The following ANTXR2 variants were observed in gnomAD, a reference collection of about 807,000 sequenced individuals.
ANTXR2 encodes the protein anthrax toxin receptor 2.
Under a neutral mutation model 73.7 loss-of-function variants are expected in ANTXR2, and 44 were observed. The ratio of observed to expected loss-of-function variants is 0.60; its 90% CI spans 0.47 to 0.77. The LOEUF (loss-of-function observed/expected upper bound fraction) is 0.77. Among genes scored for constraint, ANTXR2 ranks in the 30% least tolerant of loss-of-function variants. The pLI, the probability that ANTXR2 is intolerant of heterozygous loss-of-function variation, is 0.00. For synonymous variants in ANTXR2, 217 were observed against 205.9 expected (o/e 1.05, Z -0.46); for missense variants, 604 against 592.5 (o/e 1.02, Z -0.20).
In ANTXR2 at chr4:79,910,630, A is replaced by G. The variant is rs532415556; in HGVS notation, c.1429-3163T>C. 9.9e-5 allele frequency among the ~76,000 whole-genome samples: 15 copies of G among 152,284 alleles called. No individual in the cohort carries two copies. The South Asian group carries it at 1.0e-3, about 11-fold the overall frequency. ...CATAAGTCTAACATAGAGCAGACTCAATAATTTCTTACTTAGGAACAAGTG... is the reference window on the plus strand; with the variant it reads ...CATAAGTCTAACATAGAGCAGACTCGATAATTTCTTACTTAGGAACAAGTG... On this transcript the variant is annotated intron_variant, in intron 16 of 16. Transcript: ENST00000403729.
chr4:79,956,230 AT>A (rs1391938108), intron 16 of ANTXR2, among the ~76,000 whole-genome samples: 1 of 152,184 alleles, frequency 6.6e-6, no homozygotes, highest in Admixed American at 6.6e-5. Context: ...ATATGCATGC[AT>A]TCTGAATATA....
intron 16 of ANTXR2, among the ~76,000 whole-genome samples, chr4:79,973,043 G>C (rs972005448): frequency 6.6e-6 from 1 of 151,188 alleles, no homozygotes; most frequent in African/African-American, 2.4e-5. Flanking sequence ...CAAAGTGAAA[G>C]CATAGTGGAA....
At chr4:79,991,314 G>A (rs573621616) in intron 12 of ANTXR2, among the ~76,000 whole-genome samples, 1 of 152,118 alleles carries the variant, frequency 6.6e-6, no homozygotes, top group South Asian at 2.1e-4. Flanking sequence ...CTTCTCAAAA[G>A]AAGACATATA....
At chr4:80,009,630 C>T (rs13119991) in intron 11 of ANTXR2, among the ~76,000 whole-genome samples, 10,665 of 151,854 alleles carry the variant, frequency 0.07, 454 homozygotes, top group Middle Eastern at 0.11. Context: ...CAGGTGATCA[C>T]GAGGTCAGGA....
intron 16 of ANTXR2, among the ~76,000 whole-genome samples, chr4:79,908,801 T>C (rs1237987305): frequency 6.6e-6 from 1 of 152,190 alleles, no homozygotes; most frequent in Non-Finnish European, 1.5e-5. Context: ...CCAGACTGTA[T>C]TTTTGTGTTA....
intron 11 of ANTXR2, among the ~76,000 whole-genome samples, chr4:80,010,046 GTTTT>G (rs11303326): frequency 8.8e-5 from 13 of 147,930 alleles, no homozygotes; most frequent in Non-Finnish European, 1.2e-4. Flanking sequence ...TTGTTTTGTG[GTTTT>G]TTTTTTTATG....
At chr4:80,042,101 T>C (rs1260893847) in intron 7 of ANTXR2, among the ~76,000 whole-genome samples, 1 of 152,068 alleles carries the variant, frequency 6.6e-6, no homozygotes, top group African/African-American at 2.4e-5. Flanking sequence ...ACTGTATTAA[T>C]GCTTTCTATC....
At position 79,952,601 on chromosome 4, in the gene ANTXR2, T is replaced by C. The variant is rs116309733; in HGVS notation, c.1428+25020A>G. Among the ~76,000 whole-genome samples, 709 of 152,142 alleles carry C rather than the reference T, an allele frequency of 4.7e-3. 5 individuals are homozygous for C. The highest frequency in any genetic ancestry group is 0.016 in the African/African-American group (678 of 41,542). On this transcript the variant is annotated intron_variant, in intron 16 of 16. Transcript: ENST00000403729. ...CTTATAATTTAAGTTTTAATATTCATCTGTAATCTTACAGAGAATATGTTG... is the reference window on the plus strand; with the variant it reads ...CTTATAATTTAAGTTTTAATATTCACCTGTAATCTTACAGAGAATATGTTG...
intron 11 of ANTXR2, among the ~76,000 whole-genome samples, chr4:80,017,552 CAT>C (rs892432269): frequency 6.6e-6 from 1 of 151,978 alleles, no homozygotes; most frequent in African/African-American, 2.4e-5. Context: ...ATACATCCCA[CAT>C]GAGTCATTTA....
chr4:79,991,492 T>C (rs760225025), intron 12 of ANTXR2, among the ~76,000 whole-genome samples: 5 of 152,122 alleles, frequency 3.3e-5, no homozygotes, highest in Admixed American at 6.6e-5. Context: ...AGAATGTTTA[T>C]ACACTGCTAG....
intron 10 of ANTXR2, among the ~76,000 whole-genome samples, chr4:80,028,387 C>T (rs150763564): frequency 4.3e-4 from 65 of 152,174 alleles, no homozygotes; most frequent in Middle Eastern, 3.4e-3. Flanking sequence ...TCTTTTAAAC[C>T]AAAATCCACA....
intron 16 of ANTXR2, among the ~76,000 whole-genome samples, chr4:79,928,236 C>A (rs1232177197): frequency 6.6e-6 from 1 of 152,158 alleles, no homozygotes; most frequent in East Asian, 1.9e-4. Flanking sequence ...GGCACTATGG[C>A]AGGTGAAATA....
At chr4:80,046,713 A>C (rs1733528100) in intron 7 of ANTXR2, among the ~76,000 whole-genome samples, 2 of 151,752 alleles carry the variant, frequency 1.3e-5, no homozygotes, top group Non-Finnish European at 2.9e-5. Flanking sequence ...ATATCTTACT[A>C]ATTCTTCTAT....
intron 10 of ANTXR2, among the ~76,000 whole-genome samples, 181 bp from the exon 11 acceptor site, chr4:80,019,157 G>A (rs1035251420): frequency 1.3e-5 from 2 of 152,080 alleles, no homozygotes; most frequent in Non-Finnish European, 2.9e-5. Flanking sequence ...TTACAGGCAT[G>A]AGCCACCGTG....
rs10549471 is a variant in ANTXR2 at position 79,966,127 on chromosome 4, G to GAC, written c.1428+11492_1428+11493dup. Among the ~76,000 whole-genome samples, 383 of 149,514 alleles carry GAC rather than the reference G, an allele frequency of 2.6e-3. 1 individual carries two copies. Among genetic ancestry groups the GAC allele is most frequent in the Non-Finnish European group, 3.1e-3 (210 of 67,466 alleles). On this transcript the variant is annotated intron_variant, in intron 16 of 16. Coordinates refer to ENST00000403729, the MANE Select transcript of ANTXR2 (RefSeq NM_058172.6). ...CAATGAATGATTATGCTAGGACTTA[G>GAC]ACACACACACACACACACACACACA...
At chr4:79,907,609 T>A (rs1269625885) in intron 16 of ANTXR2, 142 bp from the exon 17 acceptor site, 10 of 877,086 alleles carry the variant, frequency 1.1e-5, no homozygotes, top group African/African-American at 3.4e-5. Context: ...TCATAATTTT[T>A]TTTTCTTGGG....
At chr4:80,052,495 T>C (rs372571158) in intron 7 of ANTXR2, among the ~76,000 whole-genome samples, 3 of 151,838 alleles carry the variant, frequency 2.0e-5, no homozygotes, top group African/African-American at 7.2e-5. Flanking sequence ...TTGGTTGTAA[T>C]GGCTCCTTCT....
chr4:80,007,625 G>A (rs765299767), intron 12 of ANTXR2, among the ~76,000 whole-genome samples: 4 of 152,146 alleles, frequency 2.6e-5, no homozygotes, highest in Non-Finnish European at 5.9e-5. Flanking sequence ...AAAACTGGAG[G>A]ACCTTTCCCA....
At chr4:79,973,244 G>T (rs1729499414) in intron 16 of ANTXR2, among the ~76,000 whole-genome samples, 1 of 152,138 alleles carries the variant, frequency 6.6e-6, no homozygotes. Context: ...TCCTAATAAT[G>T]TACAGAAAGC....
Sources: gnomAD v4.1 joint callset for allele counts (sites outside exome capture counted in the v4.1 genomes callset) on GRCh38, gnomAD v4.1.1 for gene constraint, MANE v1.5 for transcripts, NCBI Gene and HGNC (gene_info 2026-07-23, HGNC 2026-07-21) for gene names.